The following ZNF99 variants were observed in gnomAD, a reference collection of about 807,000 sequenced individuals.
ZNF99 encodes the protein zinc finger protein ENSP00000375192.
Under a neutral mutation model 12.8 loss-of-function variants are expected in ZNF99, and 8 were observed. The observed-to-expected ratio is 0.62, with a 90% confidence interval of 0.37 to 1.13. The LOEUF is 1.13. Among genes scored for constraint, ZNF99 ranks in the 50% most tolerant of loss-of-function variants. The pLI is 0.02. For missense variants in ZNF99, 1,007 were observed against 1,006.2 expected (o/e 1.00, Z -0.01); for synonymous variants, 318 against 319.0 (o/e 1.00, Z 0.03).
rs1973082541 is a variant in ZNF99 at position 22,757,588 on chromosome 19, G to A, written c.2321C>T (p.Ser774Leu). 5 of 1,611,462 alleles carry A rather than the reference G, an allele frequency of 3.1e-6. No individual in the cohort carries two copies. The highest frequency in any genetic ancestry group is 4.2e-6 in the Non-Finnish European group (5 of 1,179,624). ...EECGKAFKHF[S>L]ALRKHKIIHT... The stretch of plus-strand genomic sequence containing the variant: ...AATTATCTTATGTTTTCTAAGGGCT[G>A]AGAAATGCTTAAAAGCTTTGCCACA... Residue 774 changes from serine (S) to leucine (L), a missense_variant, in exon 4 of 4, where the codon TCA becomes TTA. Ser to Leu is a moderately radical substitution (Grantham distance 145, BLOSUM62 -2). Coordinates refer to ENST00000596209, the MANE Select transcript of ZNF99 (RefSeq NM_001080409.3).
In ZNF99 at chr19:22,757,934, T is replaced by C; in HGVS notation, c.1975A>G (p.Lys659Glu). 6.2e-7 allele frequency: 1 copy of C among 1,613,234 alleles called. No homozygotes were observed. The highest frequency in any genetic ancestry group is 8.5e-7 in the Non-Finnish European group (1 of 1,179,674). Residue 659 changes from lysine to glutamate, a missense_variant, in exon 4 of 4, where the codon AAG becomes GAG. Transcript: ENST00000596209. Reference protein sequence around the residue: ...YKCEECGKAFKWSSHLTRHKV... With the variant: ...YKCEECGKAFEWSSHLTRHKV... ...TGTCTAGTAAGGTGTGAGGACCACTTAAAAGCTTTACCACATTCTTCACAT... is the reference window on the plus strand; with the variant it reads ...TGTCTAGTAAGGTGTGAGGACCACTCAAAAGCTTTACCACATTCTTCACAT...
In ZNF99 at chr19:22,753,070, A is replaced by G. The variant is rs1300736121; in HGVS notation, c.*4244T>C. On this transcript the variant is annotated 3_prime_UTR_variant, in exon 4 of 4. Transcript: ENST00000596209. ...GCAACAATTGATCGCATGCTTTCAC[A>G]TGTAAATAAAGTAGGAATGAAGAGC... 6.6e-6 allele frequency: 1 copy of G among 152,120 alleles called. No homozygotes were observed. Among genetic ancestry groups the G allele is most frequent in the Non-Finnish European group, 1.5e-5 (1 of 67,974 alleles). 9.4% of individuals were successfully genotyped at this position (152,120 alleles called of 1,614,324 possible). A position where few individuals can be genotyped will look rare whatever the true frequency, so the allele number is the denominator to read the frequency against.
intron 3 of ZNF99, among the ~76,000 whole-genome samples, chr19:22,767,866 T>C (rs1177694235): frequency 1.3e-4 from 20 of 152,200 alleles, no homozygotes; most frequent in Non-Finnish European, 2.6e-4. Context: ...TATCTGTTTC[T>C]GGTGTGTTCT....
intron 1 of ZNF99, among the ~76,000 whole-genome samples, 175 bp from the exon 2 acceptor site, chr19:22,769,499 G>A (rs1241239152): frequency 6.6e-6 from 1 of 151,804 alleles, no homozygotes; most frequent in African/African-American, 2.4e-5. Context: ...TGGGCGCAGT[G>A]GCTCATGCCT....
Position 22,757,664 on chromosome 19 carries a change from T to A in ZNF99, c.2245A>T (p.Thr749Ser), listed in dbSNP as rs1291072510. The A allele has an allele frequency of 2.5e-6, 4 of 1,611,860 alleles. No individual in the cohort carries two copies. In the Admixed American group the frequency reaches 6.7e-5, roughly 27 times the overall value. The change falls in exon 4 of 4, where the codon ACT (threonine) becomes TCT (serine). Residue 749 changes from threonine to serine, a missense_variant. Thr to Ser is a moderately conservative substitution (Grantham distance 58). Coordinates refer to ENST00000596209, the MANE Select transcript of ZNF99 (RefSeq NM_001080409.3). The stretch of plus-strand genomic sequence containing the variant: ...GCAGTATGAATTACCTTATGTACAG[T>A]AAGTTTTGAGGACCACTTAAAAGCT... ...GKAFKWSSKL[T>S]VHKVIHTAEK...
In ZNF99 at chr19:22,756,877, G is replaced by C; in HGVS notation, c.*437C>G. The C allele has an allele frequency of 6.2e-7, 1 of 1,611,252 alleles. No individual in the cohort carries two copies. The highest frequency in any genetic ancestry group is 8.5e-7 in the Non-Finnish European group (1 of 1,178,900). On this transcript the variant is annotated 3_prime_UTR_variant, in exon 4 of 4. Coordinates refer to ENST00000596209, the MANE Select transcript of ZNF99 (RefSeq NM_001080409.3). ...TTGCCACATTCTTCACATTTGTAGG[G>C]TTTCTCTACAGTATGAATTACCTTA...
rs552303894 is a variant in ZNF99, at chr19:22,756,855, C to T, written c.*459G>A. The T allele has an allele frequency of 6.2e-7, 1 of 1,611,848 alleles. No individual in the cohort carries two copies. Among genetic ancestry groups the T allele is most frequent in the East Asian group, 2.2e-5 (1 of 44,742 alleles). On this transcript the variant is annotated 3_prime_UTR_variant, in exon 4 of 4. Transcript: ENST00000596209. ...GGCTGAGAAATGCTTAAAAGCTTTG[C>T]CACATTCTTCACATTTGTAGGGTTT... is the stretch of plus-strand genomic sequence containing the variant.
intron 1 of ZNF99, 92 bp downstream of exon 1, chr19:22,783,922 C>T: frequency 6.5e-7 from 1 of 1,530,394 alleles, no homozygotes; most frequent in Non-Finnish European, 9.1e-7. Flanking sequence ...GTGGAGCTCA[C>T]TGAGGGGAGG....
chr19:22,781,329 A>G (rs1973384633), intron 1 of ZNF99, among the ~76,000 whole-genome samples: 1 of 150,386 alleles, frequency 6.6e-6, no homozygotes, highest in Admixed American at 6.6e-5. Context: ...CCTTCTCAGG[A>G]GACTCTGAAC....
intron 3 of ZNF99, among the ~76,000 whole-genome samples, chr19:22,766,038 A>G (rs1399895784): frequency 6.6e-6 from 1 of 151,496 alleles, no homozygotes; most frequent in Admixed American, 6.6e-5. Flanking sequence ...TACACAATAT[A>G]AAATAATTTG....
chr19:22,783,941 C>T (rs1185826869), intron 1 of ZNF99, 73 bp downstream of exon 1: 77 of 1,600,168 alleles, frequency 4.8e-5, no homozygotes, highest in Non-Finnish European at 6.2e-5. Context: ...GGCCTGAGTC[C>T]CGCCACAGCC....
In ZNF99 at chr19:22,753,252, T is replaced by A. The variant is rs188544227; in HGVS notation, c.*4062A>T. ...CTCCAAAAAATCACCTCCTCTTTTT[T>A]AAGTTATATGCAAATAACTTATCTA... On this transcript the variant is annotated 3_prime_UTR_variant, in exon 4 of 4. Transcript: ENST00000596209. 6.6e-6 allele frequency: 1 copy of A among 152,252 alleles called. No individual in the cohort carries two copies. Among genetic ancestry groups the A allele is most frequent in the Admixed American group, 6.5e-5 (1 of 15,304 alleles). The allele number at this position is 152,252 out of a possible 1,614,324, so 9.4% of individuals were successfully genotyped here. A position where few individuals can be genotyped will look rare whatever the true frequency, so the allele number is the denominator to read the frequency against.
At position 22,759,531 on chromosome 19, in the gene ZNF99, G is replaced by A. The variant is rs376866838; in HGVS notation, c.378C>T (p.His126=). The A allele has an allele frequency of 7.0e-5, 113 of 1,610,758 alleles. No homozygotes were observed. The highest frequency in any genetic ancestry group is 1.6e-4 in the South Asian group (14 of 89,912). Residue 126 remains histidine (H), a synonymous_variant, in exon 4 of 4, where the codon CAC becomes CAT. Coordinates refer to ENST00000596209, the MANE Select transcript of ZNF99 (RefSeq NM_001080409.3). ...DCESVNEGKM[H]EEAYNKLNQC... is the part of the protein sequence containing the mutation. ...GGTTAAGTTTATTATAAGCTTCTTCGTGCATCTTACCCTCATTGACACTTT... is the reference window on the plus strand; with the variant it reads ...GGTTAAGTTTATTATAAGCTTCTTCATGCATCTTACCCTCATTGACACTTT...
At position 22,753,078 on chromosome 19, in the gene ZNF99, A is replaced by G. The variant is rs994163195; in HGVS notation, c.*4236T>C. On this transcript the variant is annotated 3_prime_UTR_variant, in exon 4 of 4. Transcript: ENST00000596209. ...TGATCGCATGCTTTCACATGTAAAT[A>G]AAGTAGGAATGAAGAGCATGAAGTA... 15 of 152,144 alleles carry G rather than the reference A, an allele frequency of 9.9e-5. No homozygotes were observed. The highest frequency in any genetic ancestry group is 3.4e-4 in the African/African-American group (14 of 41,462). 9.4% of individuals were successfully genotyped at this position (152,144 alleles called of 1,614,324 possible). A position where few individuals can be genotyped will look rare whatever the true frequency, so the allele number is the denominator to read the frequency against.
In ZNF99 at chr19:22,757,880, A is replaced by G. The variant is rs754115530; in HGVS notation, c.2029T>C (p.Tyr677His). ...HKVIHTEEKP[Y>H]KCEECGKAFN... ...GCCTTGCCACATTCTTCACATTTGT[A>G]GGGTTTCTCTTCAGTATGAATTACT... The change falls in exon 4 of 4, where the codon TAC becomes CAC. Residue 677 changes from tyrosine to histidine, a missense_variant. Coordinates refer to ENST00000596209, the MANE Select transcript of ZNF99 (RefSeq NM_001080409.3). The G allele has an allele frequency of 2.5e-6, 4 of 1,612,400 alleles. 1 individual carries two copies. The highest frequency in any genetic ancestry group is 3.4e-6 in the Non-Finnish European group (4 of 1,178,984).
At chr19:22,776,316 G>A (rs1208564822) in intron 1 of ZNF99, among the ~76,000 whole-genome samples, 1 of 144,348 alleles carries the variant, frequency 6.9e-6, no homozygotes, top group African/African-American at 2.6e-5. Flanking sequence ...ATGCCACTGC[G>A]CTTTAGCTTG....
chr19:22,779,184 C>G (rs1973360427), intron 1 of ZNF99, among the ~76,000 whole-genome samples: 1 of 152,050 alleles, frequency 6.6e-6, no homozygotes, highest in Admixed American at 6.6e-5. Flanking sequence ...TATCACATAG[C>G]CAGACACAGA....
chr19:22,757,129 C>CAG lies in ZNF99; in HGVS notation c.*184_*185insCT. On this transcript the variant is annotated 3_prime_UTR_variant, in exon 4 of 4. Transcript: ENST00000596209. ...TTCCACATTCTCCACATTTGTAGGG[C>CAG]TTCTCCCCAGTATGAACTGCTTTAT... 6.2e-7 allele frequency: 1 copy of CAG among 1,609,802 alleles called. No individual in the cohort carries two copies. Among genetic ancestry groups the CAG allele is most frequent in the Non-Finnish European group, 8.5e-7 (1 of 1,177,870 alleles).
chr19:22,754,522 T>C lies in ZNF99; in HGVS notation c.*2792A>G, dbSNP rs1194901231. On this transcript the variant is annotated 3_prime_UTR_variant, in exon 4 of 4. Transcript: ENST00000596209. ...TATCTTCTGTATGAATTCTCTTATA[T>C]TTAGTATGAGTTGAAGACCAGTTAA... The C allele has an allele frequency of 9.3e-6, 4 of 429,098 alleles. No individual in the cohort carries two copies. Among genetic ancestry groups the C allele is most frequent in the African/African-American group, 6.2e-5 (3 of 48,396 alleles). The allele number at this position is 429,098 out of a possible 1,614,324, so 26.6% of individuals were successfully genotyped here.
Sources: gnomAD v4.1 joint callset for allele counts (sites outside exome capture counted in the v4.1 genomes callset) on GRCh38, gnomAD v4.1.1 for gene constraint, MANE v1.5 for transcripts, NCBI Gene and HGNC (gene_info 2026-07-23, HGNC 2026-07-21) for gene names.